The following SLC9D1 variants were observed in gnomAD, a reference collection of about 807,000 sequenced individuals.
The protein encoded by SLC9D1 is solute carrier family 9 member D1.
the SLC9D1 span, among the ~76,000 whole-genome samples, chr13:113,512,604 GGAGA>G: frequency 2.6e-5 from 4 of 150,988 alleles, no homozygotes; most frequent in Admixed American, 1.3e-4. Context: ...GAGTGTAAAC[GGAGA>G]GAGTCAGTAT....
At chr13:113,499,687 T>G in the SLC9D1 span, among the ~76,000 whole-genome samples, 2 of 152,190 alleles carry the variant, frequency 1.3e-5, no homozygotes, top group African/African-American at 2.4e-5. Context: ...AAACAAGTTG[T>G]TTTAAAATCT....
chr13:113,506,558 A>AGT, the SLC9D1 span, among the ~76,000 whole-genome samples: 17,569 of 109,772 alleles, frequency 0.16, 1,303 homozygotes, highest in Admixed American at 0.31. Context: ...TGTGTGTGTG[A>AGT]GTGTGTGTGT....
chr13:113,521,814 A>G, the SLC9D1 span, among the ~76,000 whole-genome samples: 19 of 152,198 alleles, frequency 1.2e-4, no homozygotes, highest in African/African-American at 3.4e-4. Flanking sequence ...AGGGTGCCCT[A>G]TGAAACTTAA....
At chr13:113,500,125 A>G in the SLC9D1 span, 1 of 1,542,966 alleles carries the variant, frequency 6.5e-7, no homozygotes, top group South Asian at 1.3e-5. Flanking sequence ...CAACCATCCC[A>G]CGTGCAGATC....
chr13:113,538,741 G>A, the SLC9D1 span, among the ~76,000 whole-genome samples: 29 of 152,376 alleles, frequency 1.9e-4, 1 homozygote, highest in South Asian at 6.0e-3. Flanking sequence ...GTTTTCTCAA[G>A]ATAAAAATCA....
chr13:113,539,261 C>T, the SLC9D1 span: 61 of 1,171,270 alleles, frequency 5.2e-5, no homozygotes, highest in Admixed American at 1.4e-4. The surrounding 1 kb of genome is among the most constrained non-coding windows in gnomAD (Gnocchi z 4.8). Context: ...TGTGTTTTGT[C>T]GTGGTGGCTC....
the SLC9D1 span, among the ~76,000 whole-genome samples, chr13:113,538,308 G>A: frequency 6.6e-6 from 1 of 151,926 alleles, no homozygotes; most frequent in Non-Finnish European, 1.5e-5. Flanking sequence ...ACATGTGCGT[G>A]TGTGTGTGTG....
At chr13:113,498,406 TGC>T in the SLC9D1 span, 2 of 1,580,676 alleles carry the variant, frequency 1.3e-6, no homozygotes, top group Non-Finnish European at 1.7e-6. Flanking sequence ...CTTAAAAATA[TGC>T]AACATCAAAA....
the SLC9D1 span, chr13:113,520,418 A>G: frequency 4.9e-6 from 2 of 410,048 alleles, no homozygotes; most frequent in Non-Finnish European, 4.4e-6. Flanking sequence ...CGGGAGGTGG[A>G]GGTTGCAGTG....
At chr13:113,540,994 C>T in the SLC9D1 span, among the ~76,000 whole-genome samples, 2 of 152,122 alleles carry the variant, frequency 1.3e-5, no homozygotes, top group Admixed American at 6.5e-5. Context: ...TGCTTGTTAT[C>T]GTAGGCTTTG....
chr13:113,493,586 G>C, the SLC9D1 span, among the ~76,000 whole-genome samples: 1 of 151,852 alleles, frequency 6.6e-6, no homozygotes, highest in African/African-American at 2.4e-5. Flanking sequence ...ACTTAAAGTT[G>C]TATTGAAACT....
At chr13:113,535,444 G>T in the SLC9D1 span, among the ~76,000 whole-genome samples, 1 of 152,134 alleles carries the variant, frequency 6.6e-6, no homozygotes, top group Non-Finnish European at 1.5e-5. The surrounding 1 kb of genome is among the most constrained non-coding windows in gnomAD (Gnocchi z 4.1). Context: ...AGCCCGGCAG[G>T]TGCTCTTCCT....
chr13:113,549,909 A>G, the SLC9D1 span: 1 of 505,482 alleles, frequency 2.0e-6, no homozygotes, highest in East Asian at 3.4e-5. Flanking sequence ...AAGGCTTTTA[A>G]AAATGTACAA....
the SLC9D1 span, chr13:113,548,406 T>G: frequency 5.6e-6 from 9 of 1,612,976 alleles, no homozygotes; most frequent in South Asian, 6.6e-5. Context: ...GAGTTTTCCT[T>G]TGTCCTGGGG....
At chr13:113,517,669 G>A in the SLC9D1 span, among the ~76,000 whole-genome samples, 4 of 152,186 alleles carry the variant, frequency 2.6e-5, no homozygotes, top group East Asian at 3.9e-4. Context: ...ACGGCAAGTC[G>A]CAGAAATGTT....
At chr13:113,496,105 C>A in the SLC9D1 span, 1 of 1,026,664 alleles carries the variant, frequency 9.7e-7, no homozygotes, top group South Asian at 1.6e-5. Flanking sequence ...TGCCCACATC[C>A]TCATCCTAGA....
At chr13:113,544,727 C>G in the SLC9D1 span, among the ~76,000 whole-genome samples, 1 of 152,240 alleles carries the variant, frequency 6.6e-6, no homozygotes, top group African/African-American at 2.4e-5. Flanking sequence ...CGTGGCTCAG[C>G]CGCCATGGCC....
chr13:113,520,612 A>G, the SLC9D1 span: 2 of 1,606,566 alleles, frequency 1.2e-6, no homozygotes, highest in South Asian at 1.1e-5. Context: ...CTTTCCCCCC[A>G]CAGGCGACAT....
the SLC9D1 span, among the ~76,000 whole-genome samples, chr13:113,513,371 G>C: frequency 6.6e-6 from 1 of 150,488 alleles, no homozygotes; most frequent in African/African-American, 2.5e-5. Flanking sequence ...GGCAGAGCTG[G>C]GCGTGGAAGC....
Sources: allele counts gnomAD v4.1 joint callset (sites outside exome capture counted in the v4.1 genomes callset), GRCh38; gene constraint gnomAD v4.1.1; non-coding constraint Gnocchi (gnomAD v3.1); transcripts MANE v1.5; gene names NCBI Gene and HGNC (gene_info 2026-07-23, HGNC 2026-07-21).